The following PSMB10 variants were observed in gnomAD, a reference collection of about 807,000 sequenced individuals.
PSMB10 encodes the protein proteasome subunit beta type-10.
PSMB10 carries 29 observed loss-of-function variants against 29.8 expected under a neutral mutation model. That is an observed-to-expected ratio of 0.97 (90% confidence interval 0.73 to 1.33). The LOEUF (loss-of-function observed/expected upper bound fraction) is 1.33. Among genes scored for constraint, PSMB10 ranks in the 40% most tolerant of loss-of-function variants. The pLI, the probability that PSMB10 is intolerant of heterozygous loss-of-function variation, is 0.00. For synonymous variants in PSMB10, 157 were observed against 164.7 expected (o/e 0.95, Z 0.36); for missense variants, 327 against 369.2 (o/e 0.89, Z 0.94).
In PSMB10 at chr16:67,936,095, C is replaced by G. The variant is rs777607072; in HGVS notation, c.251G>C (p.Gly84Ala). The G allele has an allele frequency of 6.2e-7, 1 of 1,609,446 alleles. No homozygotes were observed. ...CTCGGCGTCCGCGGCTACTCCAGCC[C>G]CACAGCAGCTGAGGCAAAAGGGAGG... Reference protein sequence around the residue: ...HFIAPKIYCCGAGVAADAEMT... With the variant: ...HFIAPKIYCCAAGVAADAEMT... The change falls in exon 4 of 8, where the codon GGG (glycine) becomes GCG (alanine). Residue 84 changes from glycine to alanine, a missense_variant. Transcript: ENST00000358514.
chr16:67,936,695 T>C lies in PSMB10; in HGVS notation c.55A>G (p.Arg19Gly), dbSNP rs1197435146. ...RGGFSFENCQ[R>G]NASLERVLPG... ...CCGCCCCCCGCGCCCCCGCTTCACC[T>C]TTGGCAGTTCTCGAAGGAGAAGCCC... Residue 19 changes from arginine to glycine, a missense_variant and splice_region_variant, in exon 1 of 8, where the codon AGA becomes GGA. By Grantham distance (125) the Arg-to-Gly change is moderately radical. Transcript: ENST00000358514. 6.4e-7 allele frequency: 1 copy of C among 1,552,458 alleles called. No homozygotes were observed. The highest frequency in any genetic ancestry group is 1.2e-5 in the South Asian group (1 of 84,542).
chr16:67,936,602 C>T, intron 1 of PSMB10, 92 bp downstream of exon 1: 1 of 1,458,898 alleles, frequency 6.9e-7, no homozygotes. Flanking sequence ...CCAAGTCGAC[C>T]AACACACCCT....
chr16:67,935,356 C>G, intron 6 of PSMB10, 64 bp downstream of exon 6: 3 of 1,600,492 alleles, frequency 1.9e-6, no homozygotes, highest in Non-Finnish European at 2.6e-6. Context: ...GGGTCCTGTG[C>G]TCCCCCAGCT....
At chr16:67,935,393 A>C in intron 6 of PSMB10, 27 bp downstream of exon 6, 1 of 1,612,896 alleles carries the variant, frequency 6.2e-7, no homozygotes, top group South Asian at 1.1e-5. Context: ...ACCAGCGACC[A>C]CAAAGTCGGG....
Position 67,934,815 on chromosome 16 carries a change from G to C in PSMB10, c.692C>G (p.Pro231Arg). 6.2e-7 allele frequency: 1 copy of C among 1,613,986 alleles called. No individual in the cohort carries two copies. Among genetic ancestry groups the C allele is most frequent in the East Asian group, 2.2e-5 (1 of 44,878 alleles). ...CTCTCACCTCTTCACGGGCTCTGTG[G>C]GTGAGCTCAGTGTCCGCAGCAGCTT... The part of the protein sequence containing the change: ...GAKLLRTLSS[P>R]TEPVKRSGRY... Residue 231 changes from proline (P) to arginine (R), a missense_variant, in exon 7 of 8, where the codon CCC becomes CGC. Coordinates refer to ENST00000358514, the MANE Select transcript of PSMB10 (RefSeq NM_002801.4). The surrounding 1 kb of genome is among the most constrained non-coding windows in gnomAD (Gnocchi z 4.3).
chr16:67,935,379 TC>T, intron 6 of PSMB10, 40 bp downstream of exon 6: 1 of 1,611,298 alleles, frequency 6.2e-7, no homozygotes, highest in East Asian at 2.2e-5. Flanking sequence ...CGGGTGCACA[TC>T]CCACCAGCGA....
intron 3 of PSMB10, 48 bp from the exon 4 acceptor site, chr16:67,936,151 G>T: frequency 1.2e-6 from 2 of 1,608,744 alleles, no homozygotes; most frequent in Non-Finnish European, 1.7e-6. Flanking sequence ...GACGTGCGGG[G>T]ACCGGAGTGG....
Position 67,936,230 on chromosome 16 carries a change from A to T in PSMB10, c.227T>A (p.Ile76Asn). The stretch of plus-strand genomic sequence containing the variant: ...GGAGTCTCACTAGATTTTGGGGGCG[A>T]TGAAGTGGATCTTCTCGCAGCTCTT... ...ADKSCEKIHF[I>N]APKIYCCGAG... The change falls in exon 3 of 8, where the codon ATC (isoleucine) becomes AAC (asparagine). Residue 76 changes from isoleucine to asparagine, a missense_variant. Coordinates refer to ENST00000358514, the MANE Select transcript of PSMB10 (RefSeq NM_002801.4). 1 of 1,613,924 alleles carries T rather than the reference A, an allele frequency of 6.2e-7. No individual in the cohort carries two copies. Among genetic ancestry groups the T allele is most frequent in the Non-Finnish European group, 8.5e-7 (1 of 1,179,942 alleles).
At chr16:67,936,538 T>C (rs527731727) in intron 1 of PSMB10, 53 bp from the exon 2 acceptor site, 1 of 1,537,714 alleles carries the variant, frequency 6.5e-7, no homozygotes, top group South Asian at 1.2e-5. Context: ...AGACCCCTGT[T>C]GCTTCCCCTA....
rs564869656 is a variant in PSMB10 at position 67,936,246 on chromosome 16, C to T, written c.211G>A (p.Glu71Lys). The T allele has an allele frequency of 4.0e-4, 638 of 1,614,008 alleles. 10 individuals are homozygous for T. The South Asian group carries it at 6.7e-3, about 17-fold the overall frequency. The change falls in exon 3 of 8, where the codon GAG becomes AAG. Residue 71 changes from glutamate (E) to lysine (K), a missense_variant. Physicochemically the swap from Glu to Lys is moderately conservative, Grantham distance 56. Transcript: ENST00000358514. Reference sequence around the variant, plus strand: ...TTGGGGGCGATGAAGTGGATCTTCTCGCAGCTCTTGTCCGCCACGACCGAA... The same window carrying T: ...TTGGGGGCGATGAAGTGGATCTTCTTGCAGCTCTTGTCCGCCACGACCGAA... ...NDSVVADKSC[E>K]KIHFIAPKIY... is the part of the protein sequence containing the mutation.
rs1567405634 is a variant in PSMB10, at chr16:67,934,760, CCA to C, written c.710+35_710+36del. ...GCCCCCTATCTCCCCTGCTATAGCCCCACACATCCCTGTGGTCCCCGATCTCC... is the reference window on the plus strand; with the variant it reads ...GCCCCCTATCTCCCCTGCTATAGCCCCACATCCCTGTGGTCCCCGATCTCC... On this transcript the variant is annotated intron_variant, in intron 7 of 7. Transcript: ENST00000358514. The surrounding 1 kb of genome is among the most constrained non-coding windows in gnomAD (Gnocchi z 4.3). The C allele has an allele frequency of 6.2e-7, 1 of 1,610,510 alleles. No individual in the cohort carries two copies. Among genetic ancestry groups the C allele is most frequent in the Admixed American group, 1.7e-5 (1 of 59,976 alleles).
chr16:67,935,930 C>T, intron 4 of PSMB10, 33 bp downstream of exon 4: 1 of 1,592,180 alleles, frequency 6.3e-7, no homozygotes, highest in Non-Finnish European at 8.6e-7. Flanking sequence ...CGTAACTACC[C>T]CTGCCGGGGT....
chr16:67,936,756 G>GC lies in PSMB10; in HGVS notation c.-8dup. 1 of 1,555,460 alleles carries GC rather than the reference G, an allele frequency of 6.4e-7. No homozygotes were observed. Among genetic ancestry groups the GC allele is most frequent in the Non-Finnish European group, 8.7e-7 (1 of 1,149,232 alleles). Reference sequence around the variant, plus strand: ...CCAGGGCTGGCTTCAGCATCTTGGGGCAGGCAGAGGGGATTAGGGGTCGCG... The same window carrying GC: ...CCAGGGCTGGCTTCAGCATCTTGGGGCCAGGCAGAGGGGATTAGGGGTCGCG... On this transcript the variant is annotated 5_prime_UTR_variant, in exon 1 of 8. Coordinates refer to ENST00000358514, the MANE Select transcript of PSMB10 (RefSeq NM_002801.4).
chr16:67,936,445 G>A lies in PSMB10; in HGVS notation c.97C>T (p.Pro33Ser). The A allele has an allele frequency of 1.9e-6, 3 of 1,613,628 alleles. No homozygotes were observed. The highest frequency in any genetic ancestry group is 2.5e-6 in the Non-Finnish European group (3 of 1,179,926). ...LERVLPGLKVPHARKTGTTIA... is the reference protein window; with the variant it reads ...LERVLPGLKVSHARKTGTTIA... ...GTGGTCCCGGTCTTGCGTGCGTGAG[G>A]GACCTTGAGCCCCGGGAGGACGCGT... The change falls in exon 2 of 8, where the codon CCT (proline) becomes TCT (serine). Residue 33 changes from proline (P) to serine (S), a missense_variant. Coordinates refer to ENST00000358514, the MANE Select transcript of PSMB10 (RefSeq NM_002801.4).
At position 67,936,461 on chromosome 16, in the gene PSMB10, G is replaced by T. The variant is rs767399978; in HGVS notation, c.81C>A (p.Leu27=). The change falls in exon 2 of 8, where the codon CTC becomes CTA. Residue 27 remains leucine, a synonymous_variant. Coordinates refer to ENST00000358514, the MANE Select transcript of PSMB10 (RefSeq NM_002801.4). ...GTGCGTGAGGGACCTTGAGCCCCGG[G>T]AGGACGCGTTCCAATGATGCATTTC... ...CQRNASLERV[L]PGLKVPHARK... 4 of 1,613,442 alleles carry T rather than the reference G, an allele frequency of 2.5e-6. No homozygotes were observed. The South Asian group carries it at 3.3e-5, about 13-fold the overall frequency.
At position 67,934,965 on chromosome 16, in the gene PSMB10, G is replaced by A. The variant is rs1434570532; in HGVS notation, c.559-17C>T. 1.2e-6 allele frequency: 2 copies of A among 1,607,120 alleles called. No individual in the cohort carries two copies. Among genetic ancestry groups the A allele is most frequent in the African/African-American group, 2.7e-5 (2 of 74,964 alleles). ...AGCCTCCAGCTGCGGTGATGGGTGT[G>A]TGAGACCTAACGGGCTCTCTCTGCT... On this transcript the variant is annotated splice_polypyrimidine_tract_variant and intron_variant, in intron 6 of 7. Transcript: ENST00000358514. This position sits in a 1 kb window ranked among gnomAD's most constrained non-coding sequence, Gnocchi z 4.3.
intron 6 of PSMB10, 104 bp downstream of exon 6, chr16:67,935,316 C>T (rs1598199601): frequency 6.9e-7 from 1 of 1,444,050 alleles, no homozygotes; most frequent in South Asian, 1.2e-5. Flanking sequence ...TCACCTCCTC[C>T]GACAAGCCTT....
In PSMB10 at chr16:67,936,302, A is replaced by G. The variant is rs768300954; in HGVS notation, c.155T>C (p.Ile52Thr). The change falls in exon 3 of 8, where the codon ATT (isoleucine) becomes ACT (threonine). Residue 52 changes from isoleucine (I) to threonine (T), a missense_variant. Physicochemically the swap from Ile to Thr is moderately conservative, Grantham distance 89 (BLOSUM62 -1). Transcript: ENST00000358514. Reference sequence around the variant, plus strand: ...AGTGGCTCGCGTATCGGCGCCCAGAATGACCCCGTCCTGAGGAGAGGGAGG... The same window carrying G: ...AGTGGCTCGCGTATCGGCGCCCAGAGTGACCCCGTCCTGAGGAGAGGGAGG... ...IAGLVFQDGV[I>T]LGADTRATND... 4 of 1,613,496 alleles carry G rather than the reference A, an allele frequency of 2.5e-6. No individual in the cohort carries two copies. In the South Asian group the frequency reaches 4.4e-5, roughly 18 times the overall value.
intron 6 of PSMB10, 22 bp downstream of exon 6, chr16:67,935,398 G>C: frequency 6.2e-7 from 1 of 1,613,368 alleles, no homozygotes; most frequent in South Asian, 1.1e-5. Context: ...CGACCACAAA[G>C]TCGGGGACAG....
Sources: allele counts gnomAD v4.1 joint callset, GRCh38; gene constraint gnomAD v4.1.1; non-coding constraint Gnocchi (gnomAD v3.1); transcripts MANE v1.5; gene names NCBI Gene and HGNC (gene_info 2026-07-23, HGNC 2026-07-21).